Variants in CNIH3 observed in about 807,000 individuals in gnomAD.
The protein encoded by CNIH3 is cornichon family AMPA receptor auxiliary protein 3, also known as protein cornichon homolog 3.
CNIH3 carries 14 observed loss-of-function variants against 24.1 expected under a neutral mutation model. That is an observed-to-expected ratio of 0.58 (90% CI 0.38 to 0.91). The LOEUF (loss-of-function observed/expected upper bound fraction) is 0.91. Ranked by LOEUF, CNIH3 falls within the 40% of genes least tolerant of loss-of-function variation. The probability of loss-of-function intolerance (pLI) is 0.00; values close to 1 mark genes in which losing one functional copy is unlikely to be tolerated. For missense variants in CNIH3, 178 were observed against 196.8 expected, an observed-to-expected ratio of 0.90 and a Z score of 0.57; for synonymous variants, 68 against 73.8, an observed-to-expected ratio of 0.92 and a Z score of 0.40.
intron 5 of CNIH3, among the ~76,000 whole-genome samples, chr1:224,738,297 C>T (rs1490015536): frequency 6.6e-6 from 1 of 152,206 alleles, no homozygotes; most frequent in Non-Finnish European, 1.5e-5. Context: ...AGGCTTAGTA[C>T]TGTTATGCAA....
chr1:224,498,281 C>T (rs919850121), intron 1 of CNIH3, among the ~76,000 whole-genome samples: 1 of 152,194 alleles, frequency 6.6e-6, no homozygotes, highest in African/African-American at 2.4e-5. Flanking sequence ...GCAGCCCCAG[C>T]AAAAGCAGCA....
At chr1:224,513,711 G>A (rs1678264583), upstream of CNIH3, 1 of 152,236 alleles carries the variant, frequency 6.6e-6, no homozygotes, top group South Asian at 2.1e-4. Flanking sequence ...GCATGAAGGA[G>A]GAGACACAGA....
chr1:224,551,727 A>G (rs778972726), intron 3 of CNIH3, among the ~76,000 whole-genome samples: 1 of 151,744 alleles, frequency 6.6e-6, no homozygotes, highest in Non-Finnish European at 1.5e-5. Flanking sequence ...TCGCCCTTAG[A>G]TATTATGAAT....
intron 1 of CNIH3, among the ~76,000 whole-genome samples, chr1:224,650,002 G>A (rs1684790287): frequency 1.3e-5 from 2 of 152,190 alleles, no homozygotes; most frequent in African/African-American, 4.8e-5. Flanking sequence ...GAAATAGCAA[G>A]CTGTGGTTTC....
Position 224,444,806 on chromosome 1 carries a change from G to A in CNIH3, n.203+9944G>A, listed in dbSNP as rs1241025183. The stretch of plus-strand genomic sequence containing the variant: ...ATTACAGGCGTGCGCCACCACGCCC[G>A]GCTAATTTTTGTATTTTTAGTATAG... On this transcript the variant is annotated intron_variant and non_coding_transcript_variant, in intron 1 of 5. Coordinates refer to the CNIH3 transcript ENST00000471578. 4.0e-5 allele frequency among the ~76,000 whole-genome samples: 6 copies of A among 151,036 alleles called. No homozygotes were observed. The South Asian group carries it at 8.4e-4, about 21-fold the overall frequency.
intron 4 of CNIH3, among the ~76,000 whole-genome samples, chr1:224,574,197 T>C (rs1002267357): frequency 1.3e-5 from 2 of 152,168 alleles, no homozygotes; most frequent in Admixed American, 1.3e-4. Context: ...TGGGTCCCTA[T>C]GGCCATAATA....
intron 3 of CNIH3, among the ~76,000 whole-genome samples, chr1:224,697,185 G>C (rs1436800314): frequency 1.3e-5 from 2 of 152,228 alleles, no homozygotes. Context: ...TGTCACATCA[G>C]AGCACCCTCA....
At chr1:224,726,690 T>C (rs1321545540) in intron 3 of CNIH3, among the ~76,000 whole-genome samples, 1 of 152,148 alleles carries the variant, frequency 6.6e-6, no homozygotes, top group African/African-American at 2.4e-5. Flanking sequence ...ATCACAAACC[T>C]TCCATGATCC....
In CNIH3 at chr1:224,689,362, A is replaced by G. The variant is rs115448746; in HGVS notation, c.198+4519A>G. On this transcript the variant is annotated intron_variant, in intron 3 of 5. Coordinates refer to ENST00000272133, the MANE Select transcript of CNIH3 (RefSeq NM_152495.2). ...CATCCTGACCCTTAAGTTCTACCTA[A>G]AACCCTTTATGACATCACTAAGCAC... Among the ~76,000 whole-genome samples the G allele has an allele frequency of 9.6e-3, 1,462 of 152,284 alleles. 22 individuals carry two copies. The highest frequency in any genetic ancestry group is 0.033 in the African/African-American group (1,380 of 41,548).
At chr1:224,455,538 A>G (rs1675612656) in intron 1 of CNIH3, among the ~76,000 whole-genome samples, 1 of 152,168 alleles carries the variant, frequency 6.6e-6, no homozygotes, top group South Asian at 2.1e-4. Flanking sequence ...AATGTCACCA[A>G]ACAGTGAGTT....
intron 5 of CNIH3, among the ~76,000 whole-genome samples, chr1:224,584,004 G>A (rs1482455789): frequency 1.3e-5 from 2 of 152,150 alleles, no homozygotes; most frequent in Non-Finnish European, 2.9e-5. Context: ...GCTAAGTTCT[G>A]CAACTCACTC....
At chr1:224,705,649 ATGG>A (rs1687743946) in intron 3 of CNIH3, among the ~76,000 whole-genome samples, 1 of 152,088 alleles carries the variant, frequency 6.6e-6, no homozygotes, top group Non-Finnish European at 1.5e-5. Context: ...GGGAGGGGAC[ATGG>A]TGGTGTCTGT....
intron 3 of CNIH3, among the ~76,000 whole-genome samples, chr1:224,717,234 A>C (rs549230443): frequency 6.6e-6 from 1 of 152,330 alleles, no homozygotes; most frequent in African/African-American, 2.4e-5. Flanking sequence ...CCTCAAGATC[A>C]GGGTGCCAGC....
intron 1 of CNIH3, among the ~76,000 whole-genome samples, chr1:224,510,608 A>C (rs7526720): frequency 1.6e-4 from 16 of 100,500 alleles, no homozygotes; most frequent in East Asian, 4.5e-4. Flanking sequence ...AAAAAAAAAA[A>C]CAAAAAAAAA....
At chr1:224,548,775 G>T (rs2648741) in intron 3 of CNIH3, among the ~76,000 whole-genome samples, 7,279 of 151,284 alleles carry the variant, frequency 0.048, 549 homozygotes, top group African/African-American at 0.16. Flanking sequence ...TACACCCTGT[G>T]TGTACACCCT....
intron 4 of CNIH3, among the ~76,000 whole-genome samples, chr1:224,580,106 A>G (rs1681208793): frequency 6.6e-6 from 1 of 152,114 alleles, no homozygotes; most frequent in African/African-American, 2.4e-5. Context: ...TTACCCCAAT[A>G]AGAGAGTAAA....
chr1:224,595,505 C>T (rs1558194111), intron 3 of CNIH3, among the ~76,000 whole-genome samples: 2 of 152,204 alleles, frequency 1.3e-5, no homozygotes, highest in South Asian at 4.1e-4. Flanking sequence ...CCTTTCTTTT[C>T]CTTGAAACAC....
At chr1:224,571,519 G>A (rs1680815163) in intron 4 of CNIH3, among the ~76,000 whole-genome samples, 2 of 152,208 alleles carry the variant, frequency 1.3e-5, no homozygotes, top group South Asian at 4.2e-4. Flanking sequence ...GAGGTCAGGA[G>A]TTCAAGACCA....
At chr1:224,522,894 A>C (rs1337760440) in intron 2 of CNIH3, among the ~76,000 whole-genome samples, 1 of 152,226 alleles carries the variant, frequency 6.6e-6, no homozygotes, top group Non-Finnish European at 1.5e-5. Context: ...ACTACAAAGC[A>C]ATTCCACTCC....
Sources: allele counts gnomAD v4.1 joint callset (sites outside exome capture counted in the v4.1 genomes callset), GRCh38; gene constraint gnomAD v4.1.1; transcripts MANE v1.5; gene names NCBI Gene and HGNC (gene_info 2026-07-23, HGNC 2026-07-21).